FIRRM: variants seen among roughly 807,000 people sequenced by gnomAD.
The protein encoded by FIRRM is FIGNL1-interacting regulator of recombination and mitosis.
At chr1:169,842,476 A>G in the FIRRM span, 1 of 1,613,912 alleles carries the variant, frequency 6.2e-7, no homozygotes, top group Non-Finnish European at 8.5e-7. Flanking sequence ...CTTTGGATAC[A>G]GGAAAACAAA....
the FIRRM span, among the ~76,000 whole-genome samples, chr1:169,807,099 A>T: frequency 6.6e-6 from 1 of 152,120 alleles, no homozygotes; most frequent in Non-Finnish European, 1.5e-5. Context: ...AAGAATAACA[A>T]CCTAATCCTC....
chr1:169,836,362 CAGT>C, the FIRRM span, among the ~76,000 whole-genome samples: 8 of 152,118 alleles, frequency 5.3e-5, no homozygotes, highest in African/African-American at 1.9e-4. Context: ...TTGGTTATTT[CAGT>C]GGTGGAATGG....
At chr1:169,818,696 A>G in the FIRRM span, among the ~76,000 whole-genome samples, 1 of 151,968 alleles carries the variant, frequency 6.6e-6, no homozygotes, top group Non-Finnish European at 1.5e-5. Flanking sequence ...TTATTTATTT[A>G]TTTATTTTGA....
the FIRRM span, among the ~76,000 whole-genome samples, chr1:169,790,936 G>A: frequency 6.6e-6 from 1 of 152,210 alleles, no homozygotes; most frequent in Non-Finnish European, 1.5e-5. Flanking sequence ...GGGCAGGGGA[G>A]TGGTTTCAGG....
At chr1:169,820,484 G>A in the FIRRM span, among the ~76,000 whole-genome samples, 3 of 152,210 alleles carry the variant, frequency 2.0e-5, no homozygotes, top group East Asian at 1.9e-4. Flanking sequence ...TTAACATCCC[G>A]TAGTGCCAAA....
chr1:169,820,071 A>G, the FIRRM span, among the ~76,000 whole-genome samples: 1 of 152,244 alleles, frequency 6.6e-6, no homozygotes, highest in Admixed American at 6.5e-5. Context: ...GGTAGAGACA[A>G]AGAGCAAGTA....
chr1:169,808,343 A>C, the FIRRM span, among the ~76,000 whole-genome samples: 1 of 152,164 alleles, frequency 6.6e-6, no homozygotes, highest in Non-Finnish European at 1.5e-5. Context: ...GTGCATGTAT[A>C]TGTATGTATC....
At chr1:169,790,348 A>C in the FIRRM span, among the ~76,000 whole-genome samples, 2 of 151,768 alleles carry the variant, frequency 1.3e-5, no homozygotes, top group Non-Finnish European at 2.9e-5. Flanking sequence ...CACCACGCCC[A>C]CCTAATTTTG....
chr1:169,805,479 T>C, the FIRRM span, among the ~76,000 whole-genome samples: 1 of 152,184 alleles, frequency 6.6e-6, no homozygotes, highest in Non-Finnish European at 1.5e-5. Flanking sequence ...TGCCTTAATT[T>C]TATTATTGTC....
the FIRRM span, among the ~76,000 whole-genome samples, chr1:169,828,471 C>A: frequency 2.6e-5 from 4 of 152,102 alleles, no homozygotes; most frequent in Admixed American, 2.6e-4. Context: ...ATATTCCTTG[C>A]TTCTGTCACC....
At chr1:169,845,252 TA>T in the FIRRM span, among the ~76,000 whole-genome samples, 1 of 152,194 alleles carries the variant, frequency 6.6e-6, no homozygotes, top group African/African-American at 2.4e-5. Flanking sequence ...TGTACATAAT[TA>T]AAAAACACTT....
the FIRRM span, among the ~76,000 whole-genome samples, chr1:169,807,433 CTAAT>C: frequency 2.0e-5 from 3 of 152,178 alleles, no homozygotes; most frequent in Non-Finnish European, 4.4e-5. Context: ...AATCACAGCC[CTAAT>C]TAATTATTCT....
the FIRRM span, chr1:169,852,919 T>A: frequency 6.2e-7 from 1 of 1,614,148 alleles, no homozygotes; most frequent in East Asian, 2.2e-5. Context: ...AGCCTGGCTT[T>A]CAATGGAAAT....
At chr1:169,841,354 G>C in the FIRRM span, among the ~76,000 whole-genome samples, 7 of 152,202 alleles carry the variant, frequency 4.6e-5, no homozygotes, top group Non-Finnish European at 8.8e-5. Flanking sequence ...TGGTTTGCTA[G>C]TATCGTTTTG....
At chr1:169,793,871 C>T in the FIRRM span, 4 of 477,150 alleles carry the variant, frequency 8.4e-6, no homozygotes, top group East Asian at 3.5e-5. Flanking sequence ...ACTTTTTAGA[C>T]GTCTTTGGTC....
chr1:169,847,719 A>G, the FIRRM span: 2 of 1,613,474 alleles, frequency 1.2e-6, no homozygotes, highest in Non-Finnish European at 1.7e-6. Context: ...CGCTACTTAA[A>G]TTAGAGCTTC....
chr1:169,800,334 C>A, the FIRRM span, among the ~76,000 whole-genome samples: 1 of 152,142 alleles, frequency 6.6e-6, no homozygotes, highest in African/African-American at 2.4e-5. Context: ...CGTGAGCCAC[C>A]ATGCGTGGCA....
the FIRRM span, chr1:169,827,937 A>T: frequency 3.7e-5 from 45 of 1,223,442 alleles, no homozygotes; most frequent in South Asian, 5.7e-5. Flanking sequence ...TTTTTTTTTT[A>T]AATCAGATAT....
chr1:169,841,801 C>A, the FIRRM span, among the ~76,000 whole-genome samples: 438 of 152,232 alleles, frequency 2.9e-3, 3 homozygotes, highest in Non-Finnish European at 4.8e-3. Context: ...CTTGATTATA[C>A]TGGCCACTTG....
Sources: allele counts gnomAD v4.1 joint callset (sites outside exome capture counted in the v4.1 genomes callset), GRCh38; gene constraint gnomAD v4.1.1; transcripts MANE v1.5; gene names NCBI Gene and HGNC (gene_info 2026-07-23, HGNC 2026-07-21).